ADAMTS12: variants seen among roughly 807,000 people sequenced by gnomAD.
ADAMTS12 encodes ADAM metallopeptidase with thrombospondin type 1 motif 12.
A neutral mutation model predicts 167.8 loss-of-function variants in ADAMTS12; 118 were observed. The observed-to-expected ratio is 0.70, with a 90% confidence interval of 0.61 to 0.82. The LOEUF (loss-of-function observed/expected upper bound fraction) is 0.82, where lower values mean the gene tolerates loss of function less well. Among genes scored for constraint, ADAMTS12 ranks in the 40% least tolerant of loss-of-function variants. The probability of loss-of-function intolerance (pLI) is 0.00; values close to 1 mark genes in which losing one functional copy is unlikely to be tolerated. For synonymous variants in ADAMTS12, 704 were observed against 716.9 expected (o/e 0.98, Z 0.29); for missense variants, 1,916 against 1,998.8 (o/e 0.96, Z 0.79).
At chr5:33,880,123 T>C (rs896867284) in intron 2 of ADAMTS12, among the ~76,000 whole-genome samples, 3 of 152,184 alleles carry the variant, frequency 2.0e-5, no homozygotes, top group Admixed American at 2.0e-4. Context: ...TGTTGCTGCA[T>C]TTTGAGATAT....
intron 22 of ADAMTS12, among the ~76,000 whole-genome samples, chr5:33,544,418 T>TGAAAATGGCCATATTGC (rs569847375): frequency 0.014 from 2,127 of 152,200 alleles, 44 homozygotes; most frequent in African/African-American, 0.049. Context: ...ATCAATATTG[T>TGAAAATGGCCATATTGC]GAAAATGGCC....
Position 33,881,461 on chromosome 5 carries a change from C to A in ADAMTS12, c.147G>T (p.Leu49=). 1.2e-6 allele frequency: 2 copies of A among 1,612,814 alleles called. 1 individual carries two copies. Among genetic ancestry groups the A allele is most frequent in the South Asian group, 2.2e-5 (2 of 91,058 alleles). Residue 49 remains leucine (L), a synonymous_variant, in exon 2 of 24, where the codon CTG becomes CTT. Transcript: ENST00000504830. ...DRRQEHFIKG[L]PEYHVVGPVR... is the part of the protein sequence containing the mutation. ...CTGGACCCACCACGTGGTATTCTGG[C>A]AGGCCCTTGATAAAATGCTCTGAAA...
chr5:33,685,860 C>T (rs896777463), intron 3 of ADAMTS12, among the ~76,000 whole-genome samples: 1 of 152,128 alleles, frequency 6.6e-6, no homozygotes. Flanking sequence ...AACCCCCTCC[C>T]TCATTGCCCC....
intron 2 of ADAMTS12, among the ~76,000 whole-genome samples, chr5:33,798,940 C>T (rs534317670): frequency 6.6e-6 from 1 of 152,224 alleles, no homozygotes; most frequent in African/African-American, 2.4e-5. Flanking sequence ...TGTGCAATCC[C>T]CTGCTTTCTT....
At chr5:33,845,562 A>T (rs1026117083) in intron 2 of ADAMTS12, among the ~76,000 whole-genome samples, 1 of 152,268 alleles carries the variant, frequency 6.6e-6, no homozygotes, top group Non-Finnish European at 1.5e-5. Context: ...ATATAAATAC[A>T]TGAATAAATA....
At chr5:33,777,996 G>A (rs998537936) in intron 2 of ADAMTS12, among the ~76,000 whole-genome samples, 2 of 151,900 alleles carry the variant, frequency 1.3e-5, no homozygotes, top group African/African-American at 4.8e-5. Flanking sequence ...ATTGAAAACT[G>A]TAAATCACTG....
At chr5:33,564,255 G>A (rs555154122) in intron 19 of ADAMTS12, among the ~76,000 whole-genome samples, 16 of 152,336 alleles carry the variant, frequency 1.1e-4, no homozygotes, top group African/African-American at 3.6e-4. Flanking sequence ...AAGGGCAGAG[G>A]AGAAGGGGAA....
chr5:33,864,641 T>C (rs1003928349), intron 2 of ADAMTS12, among the ~76,000 whole-genome samples: 4 of 152,162 alleles, frequency 2.6e-5, no homozygotes, highest in Non-Finnish European at 5.9e-5. Flanking sequence ...ATATGCACCA[T>C]GGAATACAAT....
At position 33,527,210 on chromosome 5, in the gene ADAMTS12, A is replaced by G; in HGVS notation, c.4763T>C (p.Leu1588Pro). The change falls in exon 24 of 24, where the codon CTC (leucine) becomes CCC (proline). Residue 1588 changes from leucine to proline, a missense_variant. Coordinates refer to ENST00000504830, the MANE Select transcript of ADAMTS12 (RefSeq NM_030955.4). ...HTQRQRRQRL[L>P]QKSKEL ...GGCTTAGAGTTCTTTTGACTTTTGGAGCAACCGTTGCCTTCTTTGCCTTTG... is the reference window on the plus strand; with the variant it reads ...GGCTTAGAGTTCTTTTGACTTTTGGGGCAACCGTTGCCTTCTTTGCCTTTG... The G allele has an allele frequency of 6.2e-7, 1 of 1,614,002 alleles. No individual in the cohort carries two copies. Among genetic ancestry groups the G allele is most frequent in the Non-Finnish European group, 8.5e-7 (1 of 1,180,004 alleles).
At chr5:33,814,102 A>G (rs11955017) in intron 2 of ADAMTS12, among the ~76,000 whole-genome samples, 67,453 of 151,720 alleles carry the variant, frequency 0.44, 15,291 homozygotes, top group Non-Finnish European at 0.47. Context: ...GTCTTTAATT[A>G]GAATGAAATC....
intron 3 of ADAMTS12, among the ~76,000 whole-genome samples, chr5:33,717,724 A>G (rs1355027566): frequency 6.6e-6 from 1 of 152,200 alleles, no homozygotes; most frequent in Non-Finnish European, 1.5e-5. Flanking sequence ...ACAATTGAGT[A>G]TTCAGGAAGT....
At chr5:33,776,386 G>C (rs1003244431) in intron 2 of ADAMTS12, among the ~76,000 whole-genome samples, 3 of 152,024 alleles carry the variant, frequency 2.0e-5, no homozygotes, top group African/African-American at 7.2e-5. Context: ...TGACCACAGT[G>C]GTATGAAACT....
At chr5:33,681,224 A>G (rs1742099378) in intron 5 of ADAMTS12, among the ~76,000 whole-genome samples, 1 of 152,200 alleles carries the variant, frequency 6.6e-6, no homozygotes, top group Admixed American at 6.5e-5. Context: ...TTACAGGGGA[A>G]AGAAGAAAAA....
intron 3 of ADAMTS12, among the ~76,000 whole-genome samples, chr5:33,743,254 C>G (rs1744659123): frequency 6.6e-6 from 1 of 152,154 alleles, no homozygotes; most frequent in Non-Finnish European, 1.5e-5. Context: ...ACGGTGGGGG[C>G]CAGCAGGCCT....
intron 2 of ADAMTS12, among the ~76,000 whole-genome samples, chr5:33,757,375 G>A (rs534410559): frequency 1.3e-5 from 2 of 152,352 alleles, no homozygotes; most frequent in South Asian, 2.1e-4. Context: ...ATGTGAGGGA[G>A]CTGCCACTGT....
chr5:33,765,460 G>T (rs1258419823), intron 2 of ADAMTS12, among the ~76,000 whole-genome samples: 30 of 152,130 alleles, frequency 2.0e-4, no homozygotes, highest in Admixed American at 5.2e-4. Flanking sequence ...TTAACACTTT[G>T]CATCTGGATA....
At chr5:33,578,135 G>A (rs551458212) in intron 18 of ADAMTS12, among the ~76,000 whole-genome samples, 2 of 152,284 alleles carry the variant, frequency 1.3e-5, no homozygotes, top group South Asian at 4.1e-4. Flanking sequence ...GTTGGCACTT[G>A]AGCACAGACC....
intron 2 of ADAMTS12, among the ~76,000 whole-genome samples, chr5:33,825,686 T>C (rs1748039213): frequency 6.6e-6 from 1 of 152,186 alleles, no homozygotes; most frequent in African/African-American, 2.4e-5. Context: ...TAATTTCCAG[T>C]GATAATTCTA....
intron 2 of ADAMTS12, among the ~76,000 whole-genome samples, chr5:33,875,357 C>A (rs1038499720): frequency 1.3e-5 from 2 of 152,112 alleles, no homozygotes; most frequent in African/African-American, 2.4e-5. Flanking sequence ...AACATATATT[C>A]ATCAATTATA....
Sources: gnomAD v4.1 joint callset for allele counts (sites outside exome capture counted in the v4.1 genomes callset) on GRCh38, gnomAD v4.1.1 for gene constraint, MANE v1.5 for transcripts, NCBI Gene and HGNC (gene_info 2026-07-23, HGNC 2026-07-21) for gene names.